SNX12: variants seen among roughly 807,000 people sequenced by gnomAD.
SNX12 encodes sorting nexin 12, also known as sorting nexin-12.
For missense variants in SNX12, 62 were observed against 141.3 expected, an observed-to-expected ratio of 0.44 and a Z score of 2.84; for synonymous variants, 47 against 56.0, an observed-to-expected ratio of 0.84 and a Z score of 0.71.
upstream of SNX12, chrX:71,073,168 C>T (rs1304243473): frequency 9.0e-6 from 1 of 111,016 alleles, no homozygotes; most frequent in Non-Finnish European, 1.9e-5. Context: ...CACAGTGATT[C>T]TTGGCCAAAA....
upstream of SNX12, among the ~76,000 whole-genome samples, chrX:71,069,699 G>T (rs992455833): frequency 8.9e-5 from 10 of 111,808 alleles, no homozygotes; most frequent in Non-Finnish European, 1.5e-4. Flanking sequence ...CCAGCACTTT[G>T]GGAGGCCGAG....
At chrX:71,065,284 G>A (rs770536440) in intron 1 of SNX12, among the ~76,000 whole-genome samples, 1 of 105,877 alleles carries the variant, frequency 9.4e-6, no homozygotes, top group African/African-American at 3.5e-5. Flanking sequence ...CTTGAACCCA[G>A]GAGGCGGAGG....
chrX:71,062,643 G>A (rs1009640914), intron 2 of SNX12, among the ~76,000 whole-genome samples: 5 of 111,970 alleles, frequency 4.5e-5, no homozygotes, highest in African/African-American at 1.6e-4. Context: ...AAAGTGCTGG[G>A]ATTACAGGCG....
chrX:71,070,179 C>T (rs1343105510), upstream of SNX12, among the ~76,000 whole-genome samples: 1 of 111,246 alleles, frequency 9.0e-6, no homozygotes, highest in African/African-American at 3.3e-5. Flanking sequence ...ACAAAGCTTT[C>T]TGGTAGGTGA....
upstream of SNX12, among the ~76,000 whole-genome samples, chrX:71,071,588 AT>A (rs1478206309): frequency 4.1e-5 from 2 of 49,353 alleles, no homozygotes; most frequent in Non-Finnish European, 5.7e-5. Context: ...ATATAAATAT[AT>A]AATATTTATA....
intron 1 of SNX12, among the ~76,000 whole-genome samples, chrX:71,064,866 A>G (rs962404921): frequency 8.8e-6 from 1 of 112,998 alleles, no homozygotes; most frequent in Non-Finnish European, 1.9e-5. Flanking sequence ...TTAGAGCTTC[A>G]CACAGAACCC....
chrX:71,067,939 C>T (rs1043602239), intron 1 of SNX12, among the ~76,000 whole-genome samples: 2 of 110,853 alleles, frequency 1.8e-5, no homozygotes, highest in African/African-American at 6.6e-5. Flanking sequence ...CATCCCCGTC[C>T]GATGTCTCCC....
intron 3 of SNX12, among the ~76,000 whole-genome samples, 166 bp downstream of exon 3, chrX:71,061,677 G>A (rs2092131840): frequency 1.8e-5 from 2 of 108,592 alleles, no homozygotes; most frequent in Non-Finnish European, 3.8e-5. Context: ...AGGTTGCAGT[G>A]AGCCGAGATC....
intron 3 of SNX12, among the ~76,000 whole-genome samples, 164 bp from the exon 4 acceptor site, chrX:71,061,282 C>T (rs765509576): frequency 5.4e-5 from 6 of 110,957 alleles, no homozygotes; most frequent in East Asian, 2.8e-4. Context: ...GTAAAGGGGA[C>T]GGGGGATAGA....
At chrX:71,064,589 G>T (rs1049068444) in intron 1 of SNX12, among the ~76,000 whole-genome samples, 4 of 112,360 alleles carry the variant, frequency 3.6e-5, no homozygotes, top group African/African-American at 1.3e-4. Flanking sequence ...GCTTACCATA[G>T]CTTGCTCCCT....
chrX:71,068,308 T>C lies in SNX12; in HGVS notation c.-2A>G. 1 of 1,194,560 alleles carries C rather than the reference T, an allele frequency of 8.4e-7. No homozygotes were observed. The highest frequency in any genetic ancestry group is 1.1e-6 in the Non-Finnish European group (1 of 886,422). On this transcript the variant is annotated 5_prime_UTR_variant, in exon 1 of 4. Transcript: ENST00000374274. ...ATCAGCTACTGCCGTGTCCGACATC[T>C]TTCCGAAGGAGAGCCTGGGACCGGG...
upstream of SNX12, among the ~76,000 whole-genome samples, chrX:71,069,894 T>G (rs1319981284): frequency 9.1e-6 from 1 of 109,470 alleles, no homozygotes. Flanking sequence ...TGAGCTGAGA[T>G]CATGCCACTG....
intron 1 of SNX12, among the ~76,000 whole-genome samples, chrX:71,063,261 C>A (rs765384482): frequency 2.7e-5 from 3 of 111,358 alleles, no homozygotes; most frequent in Non-Finnish European, 5.7e-5. Flanking sequence ...CTTTTGGAGG[C>A]CAAGGCAGGC....
chrX:71,066,327 C>T (rs1602272156), intron 1 of SNX12, among the ~76,000 whole-genome samples: 1 of 111,721 alleles, frequency 9.0e-6, no homozygotes, highest in Non-Finnish European at 1.9e-5. Context: ...TGGTGGCTCA[C>T]GCCTCTAATC....
intron 1 of SNX12, among the ~76,000 whole-genome samples, chrX:71,066,432 A>G (rs186558571): frequency 2.1e-4 from 23 of 110,404 alleles, no homozygotes; most frequent in African/African-American, 7.3e-4. Flanking sequence ...TCTATTAAAA[A>G]TACAAAAATT....
At chrX:71,068,531 T>G, upstream of SNX12, 1 of 272,372 alleles carries the variant, frequency 3.7e-6, no homozygotes, top group Non-Finnish European at 6.4e-6. Flanking sequence ...GGAGGCCATA[T>G]TCAGGCTTCC....
chrX:71,068,413 G>GGCA, upstream of SNX12: 1 of 656,631 alleles, frequency 1.5e-6, no homozygotes. Flanking sequence ...CCAACCCACA[G>GGCA]GCGGCGGCGG....
chrX:71,068,578 C>T (rs2092164177), upstream of SNX12: 1 of 232,458 alleles, frequency 4.3e-6, no homozygotes, highest in African/African-American at 2.9e-5. Flanking sequence ...CCTGCATCCC[C>T]AATACGCAGT....
rs750523160 is a variant in SNX12 at position 71,061,980 on chromosome X, AC to A, written c.262-14del. The A allele has an allele frequency of 1.7e-6, 2 of 1,185,697 alleles. No homozygotes were observed. The highest frequency in any genetic ancestry group is 3.7e-5 in the South Asian group (2 of 53,389). On this transcript the variant is annotated splice_polypyrimidine_tract_variant and intron_variant, in intron 2 of 3. Coordinates refer to ENST00000374274, the MANE Select transcript of SNX12 (RefSeq NM_013346.4). ...GTGGTACTACAATCTGCAGGCACAC[AC>A]AAAATTCCAGCCACATGGGAGAGAG...
Sources: gnomAD v4.1 joint callset for allele counts (sites outside exome capture counted in the v4.1 genomes callset) on GRCh38, gnomAD v4.1.1 for gene constraint, MANE v1.5 for transcripts, NCBI Gene and HGNC (gene_info 2026-07-23, HGNC 2026-07-21) for gene names.